Variants in TFDP2 observed in about 807,000 individuals in gnomAD.
TFDP2 encodes transcription factor Dp-2 (E2F dimerization partner 2).
In TFDP2, 17 loss-of-function variants were observed where a neutral mutation model predicts 59.3. The observed-to-expected ratio is 0.29, with a 90% CI of 0.20 to 0.43. TFDP2 has a LOEUF of 0.43. TFDP2 is among the 20% of genes least tolerant of loss of function. TFDP2 has a pLI of 1.00. For synonymous variants in TFDP2, 180 were observed against 194.7 expected (o/e 0.92, Z 0.63); for missense variants, 391 against 528.8 (o/e 0.74, Z 2.56).
chr3:141,968,374 C>CAT lies in TFDP2; in HGVS notation c.732+1697_732+1698dup, dbSNP rs1304123273. Reference sequence around the variant, plus strand: ...TATATAACATATATCTCATATATAACATATATCTCATATATATAACATATA... The same window carrying CAT: ...TATATAACATATATCTCATATATAACATATATATCTCATATATATAACATATA... On this transcript the variant is annotated intron_variant, in intron 9 of 12. Transcript: ENST00000489671. Among the ~76,000 whole-genome samples, 79 of 98,688 alleles carry CAT rather than the reference C, an allele frequency of 8.0e-4. 5 individuals carry two copies. Among genetic ancestry groups the CAT allele is most frequent in the African/African-American group, 2.4e-3 (66 of 27,530 alleles). The allele number at this position is 98,688 out of a possible 152,430, so 64.7% of individuals were successfully genotyped here.
intron 1 of TFDP2, among the ~76,000 whole-genome samples, chr3:142,109,295 AT>A (rs1200134384): frequency 1.3e-5 from 2 of 151,970 alleles, no homozygotes; most frequent in Non-Finnish European, 2.9e-5. Context: ...CCATGCAGAC[AT>A]TTAACACATC....
chr3:141,953,468 AG>A (rs1373030725), intron 11 of TFDP2, among the ~76,000 whole-genome samples: 14 of 152,086 alleles, frequency 9.2e-5, no homozygotes, highest in Admixed American at 2.0e-4. Flanking sequence ...CCCTGCTTAG[AG>A]GGCAGACAGA....
chr3:141,982,000 T>C (rs555952759), intron 6 of TFDP2, among the ~76,000 whole-genome samples: 31 of 152,256 alleles, frequency 2.0e-4, no homozygotes, highest in Non-Finnish European at 2.9e-4. Context: ...AATTTATGAG[T>C]TGCATTTTAA....
rs571646170 is a variant in TFDP2, at chr3:142,010,901, C to T, written c.83-5357G>A. ...AAAACCACTATGAGATACCATCTCACACCAGTTAGAATGGCAATCATTAAA... is the reference window on the plus strand; with the variant it reads ...AAAACCACTATGAGATACCATCTCATACCAGTTAGAATGGCAATCATTAAA... On this transcript the variant is annotated intron_variant, in intron 3 of 12. Transcript: ENST00000489671. Among the ~76,000 whole-genome samples, 93 of 128,786 alleles carry T rather than the reference C, an allele frequency of 7.2e-4. 1 individual carries two copies. Among genetic ancestry groups the T allele is most frequent in the African/African-American group, 2.4e-3 (85 of 34,860 alleles). 84.5% of individuals were successfully genotyped at this position (128,786 alleles called of 152,430 possible).
intron 3 of TFDP2, among the ~76,000 whole-genome samples, chr3:142,052,716 T>G (rs535159675): frequency 6.6e-6 from 1 of 152,110 alleles, no homozygotes; most frequent in African/African-American, 2.4e-5. Flanking sequence ...CTAGGCTGGG[T>G]AGTCTCCCTC....
chr3:141,966,305 C>T (rs538315288), intron 9 of TFDP2, among the ~76,000 whole-genome samples: 34 of 151,702 alleles, frequency 2.2e-4, no homozygotes, highest in Non-Finnish European at 3.8e-4. Flanking sequence ...CCCGAGTAGC[C>T]GGGACTACAG....
chr3:142,036,183 T>C (rs187641528), intron 3 of TFDP2, among the ~76,000 whole-genome samples: 2 of 152,336 alleles, frequency 1.3e-5, no homozygotes, highest in Admixed American at 1.3e-4. Context: ...CCTCATTAAA[T>C]AGATAATACA....
chr3:141,994,998 T>C (rs2108197255), intron 5 of TFDP2, 22 bp downstream of exon 5: 3 of 1,525,920 alleles, frequency 2.0e-6, no homozygotes, highest in Non-Finnish European at 1.8e-6. Context: ...GTTTTAAAAA[T>C]AGTAACTTGC....
chr3:142,004,560 T>G (rs1168752556), intron 4 of TFDP2, among the ~76,000 whole-genome samples: 3 of 152,218 alleles, frequency 2.0e-5, no homozygotes, highest in Non-Finnish European at 2.9e-5. Context: ...CTTCTGAAAG[T>G]GCTACACACT....
intron 1 of TFDP2, among the ~76,000 whole-genome samples, chr3:142,116,926 A>C (rs1450715848): frequency 6.6e-6 from 1 of 150,416 alleles, no homozygotes; most frequent in Non-Finnish European, 1.5e-5. Context: ...CATCTGGAAA[A>C]GGATTTTTTT....
intron 9 of TFDP2, among the ~76,000 whole-genome samples, chr3:141,965,359 T>C (rs1432621383): frequency 6.6e-6 from 1 of 151,634 alleles, no homozygotes; most frequent in Non-Finnish European, 1.5e-5. Flanking sequence ...TGGCCAGGCA[T>C]GGTAGCTCAC....
At chr3:141,983,326 G>A (rs182301205) in intron 6 of TFDP2, among the ~76,000 whole-genome samples, 20 of 152,152 alleles carry the variant, frequency 1.3e-4, no homozygotes, top group South Asian at 2.1e-4. Context: ...AACAAAAAAC[G>A]AAACAACTCA....
At chr3:141,960,640 G>T (rs540044714) in intron 10 of TFDP2, among the ~76,000 whole-genome samples, 2 of 151,992 alleles carry the variant, frequency 1.3e-5, no homozygotes, top group African/African-American at 2.4e-5. Flanking sequence ...CCCTATCTAA[G>T]ATAATTTGAA....
chr3:142,141,411 T>C (rs1331842931), intron 1 of TFDP2, among the ~76,000 whole-genome samples: 1 of 152,222 alleles, frequency 6.6e-6, no homozygotes, highest in Non-Finnish European at 1.5e-5. Context: ...ATGAACCAGG[T>C]ACCTCAGTTG....
chr3:142,059,734 C>T (rs936425520), intron 3 of TFDP2, among the ~76,000 whole-genome samples: 3 of 152,148 alleles, frequency 2.0e-5, no homozygotes, highest in Admixed American at 2.0e-4. Flanking sequence ...CGTCGGCCAC[C>T]ATGCCCAGCT....
chr3:142,009,912 T>A (rs1466693144), intron 3 of TFDP2, among the ~76,000 whole-genome samples: 1 of 151,474 alleles, frequency 6.6e-6, no homozygotes, highest in Non-Finnish European at 1.5e-5. Flanking sequence ...AAAATAAATT[T>A]CAGAAAAATC....
At chr3:142,077,686 A>G (rs1428825893) in intron 3 of TFDP2, among the ~76,000 whole-genome samples, 1 of 152,004 alleles carries the variant, frequency 6.6e-6, no homozygotes, top group African/African-American at 2.4e-5. Flanking sequence ...TAGACAGGCA[A>G]TACACTTCAT....
intron 3 of TFDP2, among the ~76,000 whole-genome samples, chr3:142,019,728 T>C (rs980074220): frequency 6.6e-6 from 1 of 151,968 alleles, no homozygotes; most frequent in Non-Finnish European, 1.5e-5. Flanking sequence ...AGTTATCTGA[T>C]ATAAGAAGTG....
chr3:142,065,536 G>C (rs939596861), intron 3 of TFDP2, among the ~76,000 whole-genome samples: 7 of 151,744 alleles, frequency 4.6e-5, no homozygotes, highest in African/African-American at 1.7e-4. Context: ...GTTTGAGACA[G>C]AGTCTCACGC....
Sources: gnomAD v4.1 joint callset for allele counts (sites outside exome capture counted in the v4.1 genomes callset) on GRCh38, gnomAD v4.1.1 for gene constraint, MANE v1.5 for transcripts, NCBI Gene and HGNC (gene_info 2026-07-23, HGNC 2026-07-21) for gene names.